Variants in MAD1L1 observed in about 807,000 individuals in gnomAD.
MAD1L1 encodes mitotic spindle assembly checkpoint protein MAD1.
MAD1L1 carries 95 observed loss-of-function variants against 96.9 expected under a neutral mutation model. The ratio of observed to expected loss-of-function variants is 0.98; its 90% CI spans 0.83 to 1.16. The LOEUF (loss-of-function observed/expected upper bound fraction) is 1.16, where lower values mean the gene tolerates loss of function less well. Among genes scored for constraint, MAD1L1 ranks in the 50% most tolerant of loss-of-function variants. The probability of loss-of-function intolerance (pLI) is 0.00; values close to 1 mark genes in which losing one functional copy is unlikely to be tolerated. For missense variants in MAD1L1, 1,007 were observed against 954.4 expected (o/e 1.06, Z -0.73); for synonymous variants, 473 against 396.6 (o/e 1.19, Z -2.29).
chr7:1,912,154 C>T (rs968988003), intron 17 of MAD1L1, among the ~76,000 whole-genome samples: 3 of 152,170 alleles, frequency 2.0e-5, no homozygotes, highest in Non-Finnish European at 4.4e-5. Context: ...GTCCAGATGG[C>T]GGCAGGGGCC....
intron 11 of MAD1L1, among the ~76,000 whole-genome samples, chr7:2,097,604 C>A (rs1371124327): frequency 6.6e-6 from 1 of 152,202 alleles, no homozygotes; most frequent in Non-Finnish European, 1.5e-5. Flanking sequence ...AGGGTGAGAA[C>A]CCAGGCAGCA....
chr7:1,843,421 G>A (rs979331546), intron 18 of MAD1L1, among the ~76,000 whole-genome samples: 72 of 152,136 alleles, frequency 4.7e-4, no homozygotes, highest in Non-Finnish European at 1.0e-3. Flanking sequence ...GCCCAGGTGC[G>A]GTGTAGACCT....
chr7:2,045,172 C>T (rs369673820), intron 12 of MAD1L1, among the ~76,000 whole-genome samples: 10 of 152,320 alleles, frequency 6.6e-5, no homozygotes, highest in South Asian at 6.2e-4. Flanking sequence ...CTCCACACCC[C>T]TCTCTGCTCC....
chr7:1,866,871 C>T (rs1032547879), intron 18 of MAD1L1, among the ~76,000 whole-genome samples: 1 of 152,204 alleles, frequency 6.6e-6, no homozygotes, highest in Non-Finnish European at 1.5e-5. Flanking sequence ...CAGCTGCCAG[C>T]GCTGGCTGGG....
intron 18 of MAD1L1, among the ~76,000 whole-genome samples, chr7:1,831,560 G>A (rs925277986): frequency 1.3e-5 from 2 of 152,242 alleles, no homozygotes; most frequent in African/African-American, 4.8e-5. Flanking sequence ...ATTAGGTTTA[G>A]TGAGGAAGGC....
At chr7:2,012,972 C>T (rs910380922) in intron 13 of MAD1L1, among the ~76,000 whole-genome samples, 6 of 152,254 alleles carry the variant, frequency 3.9e-5, no homozygotes, top group African/African-American at 1.4e-4. Flanking sequence ...GCTGCTGGGA[C>T]GCCCATGCAG....
intron 10 of MAD1L1, among the ~76,000 whole-genome samples, chr7:2,206,385 A>T (rs897755281): frequency 3.3e-5 from 5 of 152,178 alleles, no homozygotes; most frequent in Non-Finnish European, 7.3e-5. Flanking sequence ...TGTTCGTTGT[A>T]TTGTAAGACC....
intron 10 of MAD1L1, among the ~76,000 whole-genome samples, chr7:2,167,275 C>G (rs1452681426): frequency 1.3e-5 from 2 of 152,094 alleles, no homozygotes; most frequent in Non-Finnish European, 2.9e-5. Context: ...AGGCCGGGCG[C>G]GGCAGCTCAT....
At chr7:1,891,137 G>A (rs191833869) in intron 18 of MAD1L1, among the ~76,000 whole-genome samples, 79 of 152,304 alleles carry the variant, frequency 5.2e-4, no homozygotes, top group African/African-American at 1.3e-3. Context: ...CGAGGGGTGC[G>A]GGGCTATTTC....
chr7:2,017,824 G>A (rs990312953), intron 12 of MAD1L1, among the ~76,000 whole-genome samples: 2 of 152,194 alleles, frequency 1.3e-5, no homozygotes, highest in African/African-American at 4.8e-5. Context: ...CGCCATAGCA[G>A]GGGGCAGGAC....
At chr7:1,818,993 C>A (rs1781981269) in intron 18 of MAD1L1, among the ~76,000 whole-genome samples, 1 of 152,090 alleles carries the variant, frequency 6.6e-6, no homozygotes, top group Admixed American at 6.5e-5. Flanking sequence ...GTGCAGCCCA[C>A]CTCTGACTCC....
At chr7:2,100,976 T>A (rs934558445) in intron 11 of MAD1L1, among the ~76,000 whole-genome samples, 1 of 152,310 alleles carries the variant, frequency 6.6e-6, no homozygotes. Flanking sequence ...ACAGTGCAGT[T>A]ATTAACGAAG....
At chr7:1,930,569 C>G (rs1377905083) in intron 17 of MAD1L1, among the ~76,000 whole-genome samples, 2 of 134,316 alleles carry the variant, frequency 1.5e-5, no homozygotes, top group African/African-American at 5.9e-5. Flanking sequence ...CTCACCCCAC[C>G]TCACCGCTGC....
intron 18 of MAD1L1, among the ~76,000 whole-genome samples, chr7:1,857,309 C>T (rs1343003264): frequency 6.6e-6 from 1 of 152,198 alleles, no homozygotes; most frequent in Non-Finnish European, 1.5e-5. Context: ...GTGCTCAGGG[C>T]CCCTGAAACC....
At chr7:1,820,172 A>C (rs1782050141) in intron 18 of MAD1L1, among the ~76,000 whole-genome samples, 1 of 152,156 alleles carries the variant, frequency 6.6e-6, no homozygotes, top group Non-Finnish European at 1.5e-5. Context: ...TAAACAGCAC[A>C]CTTCTAAGTA....
At chr7:2,076,899 C>T (rs927515163) in intron 11 of MAD1L1, among the ~76,000 whole-genome samples, 2 of 148,790 alleles carry the variant, frequency 1.3e-5, no homozygotes, top group African/African-American at 5.0e-5. Flanking sequence ...GACAGGGTTA[C>T]GACATAGTGA....
chr7:2,014,651 A>C lies in MAD1L1; in HGVS notation c.1219-9T>G, dbSNP rs760062604. On this transcript the variant is annotated splice_polypyrimidine_tract_variant and intron_variant, in intron 12 of 18. Transcript: ENST00000265854. ...CGCATACCGTCCCGCTCCTGTGGAC[A>C]CAGAGGGCAGCTGATCAGGACCCGG... 1 of 1,604,944 alleles carries C rather than the reference A, an allele frequency of 6.2e-7. No homozygotes were observed. Among genetic ancestry groups the C allele is most frequent in the Non-Finnish European group, 8.5e-7 (1 of 1,175,352 alleles).
rs1474961828 is a variant in MAD1L1, at chr7:2,114,660, G to A, written c.1073+34492C>T. ...CAAATCCCACCCACAGCCTGTTTTT[G>A]TAAACAACTTTTGTTTTTTTAACAA... is the stretch of plus-strand genomic sequence containing the variant. On this transcript the variant is annotated intron_variant, in intron 11 of 18. Coordinates refer to ENST00000265854, the MANE Select transcript of MAD1L1 (RefSeq NM_001013836.2). The surrounding 1 kb of genome is among the most constrained non-coding windows in gnomAD (Gnocchi z 4.2). Among the ~76,000 whole-genome samples, 4 of 152,198 alleles carry A rather than the reference G, an allele frequency of 2.6e-5. No individual in the cohort carries two copies. The highest frequency in any genetic ancestry group is 5.9e-5 in the Non-Finnish European group (4 of 68,038).
At chr7:2,034,675 C>T (rs1440868025) in intron 12 of MAD1L1, among the ~76,000 whole-genome samples, 3 of 152,232 alleles carry the variant, frequency 2.0e-5, no homozygotes, top group Non-Finnish European at 4.4e-5. Flanking sequence ...AGTCCCCACA[C>T]TCGGCTGCCT....
Sources: gnomAD v4.1 joint callset for allele counts (sites outside exome capture counted in the v4.1 genomes callset) on GRCh38, gnomAD v4.1.1 for gene constraint, Gnocchi (gnomAD v3.1) non-coding constraint, MANE v1.5 for transcripts, NCBI Gene and HGNC (gene_info 2026-07-23, HGNC 2026-07-21) for gene names.